RYR2: variants seen among roughly 807,000 people sequenced by gnomAD.
The protein encoded by RYR2 is cardiac muscle ryanodine receptor-calcium release channel.
A neutral mutation model predicts 601.1 loss-of-function variants in RYR2; 227 were observed. That is an observed-to-expected ratio of 0.38 (90% confidence interval 0.34 to 0.42). The LOEUF is 0.42. Ranked by LOEUF, RYR2 falls within the 10% of genes least tolerant of loss-of-function variation. The pLI is 1.00. For synonymous variants in RYR2, 2,223 were observed against 2,175.1 expected (o/e 1.02, Z -0.61); for missense variants, 4,646 against 6,156.5 (o/e 0.75, Z 8.21).
At chr1:237,325,589 G>A (rs901510985) in intron 2 of RYR2, among the ~76,000 whole-genome samples, 1 of 152,186 alleles carries the variant, frequency 6.6e-6, no homozygotes, top group African/African-American at 2.4e-5. Flanking sequence ...TCAGGAGGCT[G>A]AGGCAGGAGA....
At chr1:237,185,134 G>A (rs1679211169) in intron 1 of RYR2, among the ~76,000 whole-genome samples, 1 of 151,948 alleles carries the variant, frequency 6.6e-6, no homozygotes, top group Non-Finnish European at 1.5e-5. Flanking sequence ...CCAAATAGTT[G>A]GTACTACAGG....
chr1:237,742,205 A>G (rs972677582), intron 79 of RYR2, 91 bp from the exon 80 acceptor site: 13 of 796,160 alleles, frequency 1.6e-5, no homozygotes, highest in Admixed American at 2.7e-5. Context: ...ATTAATACAA[A>G]TGATTTGCTC....
chr1:237,376,140 T>C (rs1244751402), intron 7 of RYR2, among the ~76,000 whole-genome samples: 3 of 152,270 alleles, frequency 2.0e-5, no homozygotes, highest in African/African-American at 7.2e-5. Flanking sequence ...TTTGAATGGA[T>C]GAAAAGCTAC....
intron 1 of RYR2, among the ~76,000 whole-genome samples, chr1:237,270,020 T>G (rs993577882): frequency 6.6e-6 from 1 of 152,202 alleles, no homozygotes; most frequent in East Asian, 1.9e-4. Context: ...ACCATCACTT[T>G]GAAGTGAGAA....
intron 24 of RYR2, among the ~76,000 whole-genome samples, chr1:237,528,874 A>G (rs1295458194): frequency 2.0e-5 from 3 of 152,020 alleles, no homozygotes; most frequent in African/African-American, 4.8e-5. Context: ...TTGGGAAGAC[A>G]CATTATCATC....
intron 88 of RYR2, among the ~76,000 whole-genome samples, chr1:237,779,563 C>A (rs759712682): frequency 9.9e-5 from 15 of 152,284 alleles, no homozygotes; most frequent in Middle Eastern, 3.4e-3. Context: ...CCCGTGTGGG[C>A]CAGGTCTCTC....
chr1:237,601,841 C>T (rs1302645951), intron 34 of RYR2, among the ~76,000 whole-genome samples, 184 bp from the exon 35 acceptor site: 1 of 152,094 alleles, frequency 6.6e-6, no homozygotes, highest in Non-Finnish European at 1.5e-5. Flanking sequence ...AGAGTATGTT[C>T]CCCAAGCAGT....
chr1:237,564,822 C>T (rs769698623), intron 27 of RYR2, among the ~76,000 whole-genome samples: 2 of 152,144 alleles, frequency 1.3e-5, no homozygotes, highest in Non-Finnish European at 2.9e-5. Flanking sequence ...ATCAAAAAAG[C>T]AGTTATTGAT....
Position 237,464,307 on chromosome 1 carries a change from A to G in RYR2, c.1613-4785A>G, listed in dbSNP as rs73108480. On this transcript the variant is annotated intron_variant, in intron 16 of 104. Transcript: ENST00000366574. ...TTTATTGTCGTCTATTTTTTCTCTAAGAGTGAAAGTGTAGCCACAGAACAT... is the reference window on the plus strand; with the variant it reads ...TTTATTGTCGTCTATTTTTTCTCTAGGAGTGAAAGTGTAGCCACAGAACAT... 6.8e-3 allele frequency among the ~76,000 whole-genome samples: 1,041 copies of G among 152,062 alleles called. 26 individuals carry two copies. In the East Asian group the frequency reaches 0.095, roughly 14 times the overall value.
At chr1:237,650,974 C>T (rs1682673374) in intron 50 of RYR2, among the ~76,000 whole-genome samples, 1 of 152,222 alleles carries the variant, frequency 6.6e-6, no homozygotes, top group African/African-American at 2.4e-5. Flanking sequence ...CATTTTCTCT[C>T]CCTTCCTTCT....
intron 35 of RYR2, among the ~76,000 whole-genome samples, chr1:237,602,350 A>C (rs1485997883): frequency 6.6e-6 from 1 of 152,136 alleles, no homozygotes; most frequent in African/African-American, 2.4e-5. Context: ...ATAGAAAAAA[A>C]AATGCCGAGA....
chr1:237,610,668 CCCTGTCTCTGTCCTGT>C lies in RYR2; in HGVS notation c.4684-93_4684-78del. ...TTGACTCATAGGGTTATCTTACTTTCCCTGTCTCTGTCCTGTGCAGAATTCTAGTCATTACTTTGTG... is the reference window on the plus strand; with the variant it reads ...TTGACTCATAGGGTTATCTTACTTTCGCAGAATTCTAGTCATTACTTTGTG... On this transcript the variant is annotated intron_variant, in intron 35 of 104. Transcript: ENST00000366574. The surrounding 1 kb of genome is among the most constrained non-coding windows in gnomAD (Gnocchi z 4.9). 1 of 1,000,582 alleles carries C rather than the reference CCCTGTCTCTGTCCTGT, an allele frequency of 1.0e-6. No homozygotes were observed. The highest frequency in any genetic ancestry group is 1.7e-5 in the South Asian group (1 of 60,120). The allele number at this position is 1,000,582 out of a possible 1,614,324, so 62.0% of individuals were successfully genotyped here. A position where few individuals can be genotyped will look rare whatever the true frequency, so the allele number is the denominator to read the frequency against.
chr1:237,623,978 C>T lies in RYR2; in HGVS notation c.6022+108C>T, dbSNP rs1332594338. ...AATATTTTCACGAATACACACGATA[C>T]CTGTTAGAAAGTTATATAAAAACAT... On this transcript the variant is annotated intron_variant, in intron 39 of 104. Transcript: ENST00000366574. 1.8e-5 allele frequency: 13 copies of T among 717,858 alleles called. No individual in the cohort carries two copies. In the South Asian group the frequency reaches 1.9e-4, roughly 10 times the overall value. The allele number at this position is 717,858 out of a possible 1,614,324, so 44.5% of individuals were successfully genotyped here.
intron 84 of RYR2, among the ~76,000 whole-genome samples, chr1:237,770,418 C>T (rs568654025): frequency 1.3e-5 from 2 of 152,136 alleles, no homozygotes; most frequent in African/African-American, 2.4e-5. Flanking sequence ...GGTCATAATC[C>T]GGGTACAAAG....
chr1:237,352,932 T>G (rs2149679574), intron 3 of RYR2: 1 of 481,818 alleles, frequency 2.1e-6, no homozygotes, highest in African/African-American at 1.9e-5. Flanking sequence ...CAATACCAGG[T>G]ATGTCGCAAC....
At chr1:237,072,236 C>T (rs946777961) in intron 1 of RYR2, among the ~76,000 whole-genome samples, 1 of 152,234 alleles carries the variant, frequency 6.6e-6, no homozygotes, top group Admixed American at 6.5e-5. Context: ...CTGCAGCTGG[C>T]ATCCCCACAG....
chr1:237,246,762 G>C (rs1686892802), intron 1 of RYR2, among the ~76,000 whole-genome samples: 2 of 151,982 alleles, frequency 1.3e-5, no homozygotes, highest in African/African-American at 4.8e-5. Flanking sequence ...ATTTTTTGCA[G>C]CATTTGCTTT....
intron 36 of RYR2, among the ~76,000 whole-genome samples, chr1:237,611,982 A>G (rs1677921077): frequency 6.6e-6 from 1 of 152,186 alleles, no homozygotes; most frequent in South Asian, 2.1e-4. Context: ...GAATATTCAT[A>G]GAAGCATTAT....
At chr1:237,739,217 T>C (rs536836816) in intron 79 of RYR2, among the ~76,000 whole-genome samples, 1 of 152,178 alleles carries the variant, frequency 6.6e-6, no homozygotes, top group Non-Finnish European at 1.5e-5. Flanking sequence ...GAAAAATCAT[T>C]TTACATCTTT....
Sources: allele counts gnomAD v4.1 joint callset (sites outside exome capture counted in the v4.1 genomes callset), GRCh38; gene constraint gnomAD v4.1.1; non-coding constraint Gnocchi (gnomAD v3.1); transcripts MANE v1.5; gene names NCBI Gene and HGNC (gene_info 2026-07-23, HGNC 2026-07-21).